The following GTF2E2 variants were observed in gnomAD, a reference collection of about 807,000 sequenced individuals.
GTF2E2 encodes general transcription factor IIE subunit 2.
GTF2E2 carries 21 observed loss-of-function variants against 40.5 expected under a neutral mutation model. That is an observed-to-expected ratio of 0.52 (90% CI 0.37 to 0.75). The LOEUF (loss-of-function observed/expected upper bound fraction) is 0.75. Ranked by LOEUF, GTF2E2 falls within the 30% of genes least tolerant of loss-of-function variation. GTF2E2 has a pLI of 0.00. For missense variants in GTF2E2, 298 were observed against 338.4 expected, an observed-to-expected ratio of 0.88 and a Z score of 0.94; for synonymous variants, 117 against 121.6, an observed-to-expected ratio of 0.96 and a Z score of 0.25.
chr8:30,608,842 T>A (rs1829397386), intron 5 of GTF2E2, among the ~76,000 whole-genome samples: 1 of 152,286 alleles, frequency 6.6e-6, no homozygotes. Flanking sequence ...CTCCGCACGG[T>A]GGCTCACGCC....
chr8:30,611,433 G>A (rs1246602131), intron 5 of GTF2E2, among the ~76,000 whole-genome samples: 2 of 151,798 alleles, frequency 1.3e-5, no homozygotes, highest in Non-Finnish European at 2.9e-5. Context: ...CATACTTAAG[G>A]GTGTAACAAA....
intron 2 of GTF2E2, among the ~76,000 whole-genome samples, chr8:30,651,650 G>A (rs1456875023): frequency 6.6e-6 from 1 of 152,166 alleles, no homozygotes; most frequent in Non-Finnish European, 1.5e-5. Flanking sequence ...TGTTAAGATG[G>A]CAGTTCTTCC....
rs1554558817 is a variant in GTF2E2 at position 30,627,468 on chromosome 8, A to AC, written c.258+7563_258+7564insG. Among the ~76,000 whole-genome samples the AC allele has an allele frequency of 7.8e-3, 1,183 of 151,246 alleles. 9 individuals are homozygous for AC. Among genetic ancestry groups the AC allele is most frequent in the Non-Finnish European group, 0.013 (908 of 67,694 alleles). On this transcript the variant is annotated intron_variant, in intron 3 of 7. Coordinates refer to ENST00000355904, the MANE Select transcript of GTF2E2 (RefSeq NM_002095.6). Reference sequence around the variant, plus strand: ...TCTTGCAAAAAAAAAAAAAAAAAAAAAAACTCAGGACATCGCTTTTTTCAG... The same window carrying AC: ...TCTTGCAAAAAAAAAAAAAAAAAAAACAAACTCAGGACATCGCTTTTTTCAG...
At chr8:30,625,299 T>G (rs958593449) in intron 3 of GTF2E2, among the ~76,000 whole-genome samples, 2 of 152,158 alleles carry the variant, frequency 1.3e-5, no homozygotes, top group African/African-American at 2.4e-5. Flanking sequence ...GTTCTGTTTA[T>G]ATGCTGGATT....
intron 5 of GTF2E2, among the ~76,000 whole-genome samples, chr8:30,608,943 G>GT (rs1262412441): frequency 6.6e-6 from 1 of 152,052 alleles, no homozygotes; most frequent in Non-Finnish European, 1.5e-5. Context: ...TAGAGACAGC[G>GT]TTTCACCATG....
chr8:30,631,330 T>A (rs1015016009), intron 3 of GTF2E2, among the ~76,000 whole-genome samples: 1 of 152,198 alleles, frequency 6.6e-6, no homozygotes, highest in Non-Finnish European at 1.5e-5. Flanking sequence ...AATTTAAATA[T>A]AAGTAATTCT....
At chr8:30,589,181 C>T (rs1387751734) in intron 6 of GTF2E2, among the ~76,000 whole-genome samples, 1 of 152,120 alleles carries the variant, frequency 6.6e-6, no homozygotes, top group African/African-American at 2.4e-5. Context: ...CACTTGAATC[C>T]AGGAAGCAGA....
intron 3 of GTF2E2, among the ~76,000 whole-genome samples, chr8:30,615,753 A>G (rs540747781): frequency 3.9e-5 from 6 of 152,334 alleles, no homozygotes; most frequent in African/African-American, 1.4e-4. Context: ...TGTGGAAGAC[A>G]GTTCAGCAGT....
At chr8:30,592,127 T>G (rs1222448034) in intron 6 of GTF2E2, among the ~76,000 whole-genome samples, 1 of 152,108 alleles carries the variant, frequency 6.6e-6, no homozygotes, top group East Asian at 1.9e-4. Context: ...TCTGTAATCC[T>G]AGCACTCTGG....
intron 3 of GTF2E2, among the ~76,000 whole-genome samples, chr8:30,629,991 A>AT (rs1585984141): frequency 6.6e-6 from 1 of 152,342 alleles, no homozygotes; most frequent in East Asian, 1.9e-4. Flanking sequence ...GTGCTGTCTC[A>AT]TATGAAGAAA....
intron 6 of GTF2E2, among the ~76,000 whole-genome samples, chr8:30,603,821 A>G (rs1829247061): frequency 6.6e-6 from 1 of 152,184 alleles, no homozygotes; most frequent in Non-Finnish European, 1.5e-5. Context: ...AGTAGTTCAC[A>G]AAGAAATAAG....
At chr8:30,648,244 T>A (rs1021227515) in intron 2 of GTF2E2, among the ~76,000 whole-genome samples, 1 of 152,210 alleles carries the variant, frequency 6.6e-6, no homozygotes, top group Non-Finnish European at 1.5e-5. Context: ...GAGAACAGTA[T>A]GATACCACAC....
chr8:30,631,316 C>T (rs187257775), intron 3 of GTF2E2, among the ~76,000 whole-genome samples: 198 of 152,110 alleles, frequency 1.3e-3, no homozygotes, highest in African/African-American at 4.6e-3. Context: ...TGTGCTGGGC[C>T]GAGAATTTAA....
At chr8:30,621,004 T>C (rs1801084697) in intron 3 of GTF2E2, among the ~76,000 whole-genome samples, 1 of 151,918 alleles carries the variant, frequency 6.6e-6, no homozygotes, top group African/African-American at 2.4e-5. Flanking sequence ...TATATGGATC[T>C]GGAAGCACAT....
intron 6 of GTF2E2, among the ~76,000 whole-genome samples, chr8:30,581,725 A>AT (rs1828519742): frequency 6.6e-6 from 1 of 152,232 alleles, no homozygotes; most frequent in African/African-American, 2.4e-5. Flanking sequence ...GACCTAACTG[A>AT]TAACAACTGT....
intron 6 of GTF2E2, among the ~76,000 whole-genome samples, chr8:30,599,203 T>G (rs1829098726): frequency 6.6e-6 from 1 of 152,148 alleles, no homozygotes; most frequent in African/African-American, 2.4e-5. Context: ...TATCTTTTGA[T>G]CCAGCAATTC....
intron 2 of GTF2E2, among the ~76,000 whole-genome samples, chr8:30,639,867 T>C (rs1801752572): frequency 6.6e-6 from 1 of 152,074 alleles, no homozygotes. Context: ...TGTAATAAGA[T>C]ACTAGATCTG....
At chr8:30,613,298 A>T (rs1210456763) in intron 4 of GTF2E2, among the ~76,000 whole-genome samples, 2 of 152,212 alleles carry the variant, frequency 1.3e-5, no homozygotes, top group Non-Finnish European at 2.9e-5. Context: ...ACTGAAAAGG[A>T]CCAGACTAGT....
intron 5 of GTF2E2, among the ~76,000 whole-genome samples, chr8:30,608,623 C>T (rs1431544510): frequency 1.3e-5 from 2 of 152,194 alleles, no homozygotes; most frequent in South Asian, 2.1e-4. Flanking sequence ...CCCAAAATCT[C>T]GAATCCAAAA....
Sources: gnomAD v4.1 joint callset for allele counts (sites outside exome capture counted in the v4.1 genomes callset) on GRCh38, gnomAD v4.1.1 for gene constraint, MANE v1.5 for transcripts, NCBI Gene and HGNC (gene_info 2026-07-23, HGNC 2026-07-21) for gene names.